The following MAGOHB variants were observed in gnomAD, a reference collection of about 807,000 sequenced individuals.
MAGOHB encodes protein mago nashi homolog 2.
Under a neutral mutation model 20.9 loss-of-function variants are expected in MAGOHB, and 15 were observed. That is an observed-to-expected ratio of 0.72 (90% CI 0.48 to 1.11). MAGOHB has a LOEUF of 1.11. MAGOHB is among the 50% of genes least tolerant of loss of function. The pLI is 0.00. For missense variants in MAGOHB, 162 were observed against 177.6 expected, an observed-to-expected ratio of 0.91 and a Z score of 0.50; for synonymous variants, 50 against 57.9, an observed-to-expected ratio of 0.86 and a Z score of 0.62.
intron 4 of MAGOHB, among the ~76,000 whole-genome samples, chr12:10,606,609 G>A (rs1276818273): frequency 1.3e-5 from 2 of 151,858 alleles, no homozygotes; most frequent in South Asian, 4.2e-4. Context: ...CCTTATGATT[G>A]TAATAACCAC....
downstream of MAGOHB, among the ~76,000 whole-genome samples, chr12:10,601,806 C>T (rs114100107): frequency 1.6e-3 from 243 of 152,334 alleles, 1 homozygote; most frequent in African/African-American, 5.4e-3. Flanking sequence ...GTATCACACG[C>T]TTCATAGGCT....
chr12:10,600,777 C>A (rs980200411), downstream of MAGOHB, among the ~76,000 whole-genome samples: 18 of 152,294 alleles, frequency 1.2e-4, no homozygotes, highest in East Asian at 3.5e-3. Context: ...CTTTTTCAAT[C>A]TTCTGATTAC....
chr12:10,613,302 C>A, intron 1 of MAGOHB, 137 bp downstream of exon 1: 1 of 746,906 alleles, frequency 1.3e-6, no homozygotes, highest in South Asian at 1.6e-5. Context: ...ATAAAACCAA[C>A]TTATGCCTCC....
At chr12:10,611,771 A>AAAAAAAAAAG (rs1555146555) in intron 1 of MAGOHB, among the ~76,000 whole-genome samples, 2,756 of 92,350 alleles carry the variant, frequency 0.03, 8 homozygotes, top group Non-Finnish European at 0.046. Context: ...AAAAAAAAAA[A>AAAAAAAAAAG]AAAAGAAAAG....
intron 2 of MAGOHB, 78 bp from the exon 3 acceptor site, chr12:10,610,019 C>G: frequency 1.4e-6 from 1 of 720,606 alleles, no homozygotes; most frequent in South Asian, 2.1e-5. Flanking sequence ...AGTTACAAAC[C>G]CTGAATATCC....
downstream of MAGOHB, among the ~76,000 whole-genome samples, chr12:10,600,837 TAAG>T (rs943367991): frequency 2.0e-5 from 3 of 152,138 alleles, no homozygotes; most frequent in Non-Finnish European, 2.9e-5. Context: ...TAGTGGTTAA[TAAG>T]GAGTGTGGGA....
At position 10,613,414 on chromosome 12, in the gene MAGOHB, C is replaced by T. The variant is rs184456661; in HGVS notation, c.94+25G>A. ...TCGGTCTCGCTCCCCTTTCCCAGCA[C>T]CGCGTGCCGTGGGCCTCTTCTCACC... On this transcript the variant is annotated intron_variant, in intron 1 of 4. Transcript: ENST00000320756. 56 of 1,608,936 alleles carry T rather than the reference C, an allele frequency of 3.5e-5. No individual in the cohort carries two copies. The East Asian group carries it at 1.2e-3, about 35-fold the overall frequency.
chr12:10,601,040 C>CT (rs1168090814), downstream of MAGOHB, among the ~76,000 whole-genome samples: 12 of 152,190 alleles, frequency 7.9e-5, no homozygotes, highest in Non-Finnish European at 1.6e-4. Flanking sequence ...GCATTTTCTT[C>CT]TTTCCCTCCA....
At chr12:10,607,225 C>T (rs1252106593) in intron 4 of MAGOHB, among the ~76,000 whole-genome samples, 4 of 152,134 alleles carry the variant, frequency 2.6e-5, no homozygotes, top group Non-Finnish European at 5.9e-5. Flanking sequence ...TCTGTGGATA[C>T]AGCAAGGTTC....
chr12:10,600,873 C>T (rs1050849529), downstream of MAGOHB, among the ~76,000 whole-genome samples: 2 of 152,056 alleles, frequency 1.3e-5, no homozygotes, highest in South Asian at 2.1e-4. Context: ...GAACAGCAGG[C>T]GAAATTGCTG....
At position 10,607,938 on chromosome 12, in the gene MAGOHB, T is replaced by A. The variant is rs1397682905; in HGVS notation, c.265-2A>T. 2 of 1,530,670 alleles carry A rather than the reference T, an allele frequency of 1.3e-6. No individual in the cohort carries two copies. The highest frequency in any genetic ancestry group is 1.8e-6 in the Non-Finnish European group (2 of 1,119,454). The allele number at this position is 1,530,670 out of a possible 1,614,324, so 94.8% of individuals were successfully genotyped here. A position where few individuals can be genotyped will look rare whatever the true frequency, so the allele number is the denominator to read the frequency against. ...ATCTCCAATTACAATTTCAAGCTCCTAAAAAATATAGCAGAAAAATGTAGT... is the reference window on the plus strand; with the variant it reads ...ATCTCCAATTACAATTTCAAGCTCCAAAAAAATATAGCAGAAAAATGTAGT... On this transcript the variant is annotated splice_acceptor_variant, in intron 3 of 4. Transcript: ENST00000320756. LOFTEE classifies it high-confidence loss of function.
chr12:10,613,605 G>T lies in MAGOHB; in HGVS notation c.-73C>A. On this transcript the variant is annotated 5_prime_UTR_variant, in exon 1 of 5. Coordinates refer to ENST00000320756, the MANE Select transcript of MAGOHB (RefSeq NM_018048.5). ...GCGCCTTGCAGTGACGTCATCGCGC[G>T]GAATAAGTGCGTCACCACAGGCGCT... 1.0e-6 allele frequency: 1 copy of T among 965,044 alleles called. No individual in the cohort carries two copies. Among genetic ancestry groups the T allele is most frequent in the East Asian group, 2.4e-5 (1 of 41,926 alleles). 59.8% of individuals were successfully genotyped at this position (965,044 alleles called of 1,614,324 possible).
At position 10,605,051 on chromosome 12, in the gene MAGOHB, T is replaced by C. The variant is rs1480393982; in HGVS notation, c.*1224A>G. ...ATTACAGTAAAAAAGATGTTAAGTATAGAATCTAGGTAGGGGTAGGCATAT... is the reference window on the plus strand; with the variant it reads ...ATTACAGTAAAAAAGATGTTAAGTACAGAATCTAGGTAGGGGTAGGCATAT... On this transcript the variant is annotated 3_prime_UTR_variant, in exon 5 of 5. Transcript: ENST00000320756. 1.3e-5 allele frequency: 2 copies of C among 152,200 alleles called. No individual in the cohort carries two copies. Among genetic ancestry groups the C allele is most frequent in the African/African-American group, 2.4e-5 (1 of 41,436 alleles). The allele number at this position is 152,200 out of a possible 1,614,324, so 9.4% of individuals were successfully genotyped here. A position where few individuals can be genotyped will look rare whatever the true frequency, so the allele number is the denominator to read the frequency against.
downstream of MAGOHB, chr12:10,604,106 T>C (rs953594979): frequency 1.3e-5 from 2 of 152,124 alleles, no homozygotes; most frequent in Non-Finnish European, 1.5e-5. Context: ...ACCTACTATA[T>C]GGAAAAGACT....
At chr12:10,602,539 G>A (rs1335997323), downstream of MAGOHB, among the ~76,000 whole-genome samples, 1 of 152,128 alleles carries the variant, frequency 6.6e-6, no homozygotes, top group Non-Finnish European at 1.5e-5. Flanking sequence ...GATTAAAGAG[G>A]CACAAAGTTG....
In MAGOHB at chr12:10,606,089, G is replaced by T. The variant is rs1392573712; in HGVS notation, c.*186C>A. 2 of 421,516 alleles carry T rather than the reference G, an allele frequency of 4.7e-6. No homozygotes were observed. Among genetic ancestry groups the T allele is most frequent in the African/African-American group, 2.1e-5 (1 of 48,016 alleles). 26.1% of individuals were successfully genotyped at this position (421,516 alleles called of 1,614,324 possible). A position where few individuals can be genotyped will look rare whatever the true frequency, so the allele number is the denominator to read the frequency against. ...ATTTACAGAATTTAATGTGTGTGGG[G>T]ACTGTCCAACCCATATGGACTCAAG... On this transcript the variant is annotated 3_prime_UTR_variant, in exon 5 of 5. Coordinates refer to ENST00000320756, the MANE Select transcript of MAGOHB (RefSeq NM_018048.5).
chr12:10,612,733 T>C (rs1056360860), intron 1 of MAGOHB: 3 of 1,169,836 alleles, frequency 2.6e-6, no homozygotes, highest in Middle Eastern at 2.4e-4. Context: ...TTGTTGCAGG[T>C]AGGCAAGATC....
intron 1 of MAGOHB, among the ~76,000 whole-genome samples, chr12:10,612,438 C>T (rs868523527): frequency 6.6e-6 from 1 of 151,960 alleles, no homozygotes; most frequent in African/African-American, 2.4e-5. Context: ...CTGTAGTTAA[C>T]GTGAGTTCTG....
At chr12:10,599,533 C>A (rs990757287), downstream of MAGOHB, 3 of 152,170 alleles carry the variant, frequency 2.0e-5, no homozygotes, top group African/African-American at 4.8e-5. Flanking sequence ...TGTATCTGTG[C>A]TATGCAGTGG....
Sources: allele counts gnomAD v4.1 joint callset (sites outside exome capture counted in the v4.1 genomes callset), GRCh38; gene constraint gnomAD v4.1.1; transcripts MANE v1.5; gene names NCBI Gene and HGNC (gene_info 2026-07-23, HGNC 2026-07-21).